MID1: variants seen among roughly 807,000 people sequenced by gnomAD.
The protein encoded by MID1 is midline 1.
In MID1, 7 loss-of-function variants were observed where a neutral mutation model predicts 40.4. That is an observed-to-expected ratio of 0.17 (90% CI 0.10 to 0.33). MID1 has a LOEUF of 0.33. Among genes scored for constraint, MID1 ranks in the 10% least tolerant of loss-of-function variants. The pLI is 1.00. For synonymous variants in MID1, 229 were observed against 221.2 expected, an observed-to-expected ratio of 1.04 and a Z score of -0.31; for missense variants, 367 against 558.5, an observed-to-expected ratio of 0.66 and a Z score of 3.46.
intron 2 of MID1, among the ~76,000 whole-genome samples, chrX:10,562,557 T>C (rs1934385183): frequency 9.6e-6 from 1 of 104,675 alleles, no homozygotes; most frequent in African/African-American, 3.9e-5. Context: ...CCATATGCAA[T>C]TGTCTTGAGC....
chrX:10,452,263 C>T (rs1197617773), intron 9 of MID1, among the ~76,000 whole-genome samples: 1 of 111,789 alleles, frequency 8.9e-6, no homozygotes, highest in East Asian at 2.8e-4. Context: ...TTTGCATGAA[C>T]CCGTTATTAC....
intron 1 of MID1, among the ~76,000 whole-genome samples, chrX:10,814,540 C>A (rs1269601967): frequency 2.3e-4 from 25 of 109,193 alleles, no homozygotes; most frequent in Non-Finnish European, 7.6e-5. Flanking sequence ...AATAATCTAC[C>A]AATTTTGTCC....
In MID1 at chrX:10,697,500, T is replaced by C. The variant is rs980520495; in HGVS notation, c.-186-77081A>G. ...AAGATGATTTATTCATGATTGCCTG[T>C]GTGCATTCATCACTGATGACTTTTT... On this transcript the variant is annotated intron_variant, in intron 1 of 10. Transcript: ENST00000380785. 3.6e-5 allele frequency among the ~76,000 whole-genome samples: 4 copies of C among 112,153 alleles called. No individual in the cohort carries two copies. In the East Asian group the frequency reaches 1.1e-3, roughly 31 times the overall value.
intron 1 of MID1, among the ~76,000 whole-genome samples, chrX:10,675,278 A>C (rs764242142): frequency 8.9e-6 from 1 of 112,527 alleles, no homozygotes; most frequent in Admixed American, 9.4e-5. Context: ...TGCATTTAGC[A>C]ATGCTTCTAG....
chrX:10,727,555 G>T (rs1349566513), intron 1 of MID1, among the ~76,000 whole-genome samples: 1 of 112,093 alleles, frequency 8.9e-6, no homozygotes, highest in Non-Finnish European at 1.9e-5. Context: ...TTTTTTTCAA[G>T]ACTTGAGAGA....
intron 7 of MID1, 125 bp from the exon 8 acceptor site, chrX:10,459,932 G>T: frequency 1.3e-6 from 1 of 777,309 alleles, no homozygotes; most frequent in Non-Finnish European, 1.9e-6. Flanking sequence ...TGTCTTGGTA[G>T]TCATGTACGA....
chrX:10,682,854 A>G (rs1243878625), intron 1 of MID1, among the ~76,000 whole-genome samples: 2 of 111,865 alleles, frequency 1.8e-5, no homozygotes, highest in African/African-American at 3.3e-5. Flanking sequence ...TAGAAGTTAT[A>G]TATGGACAAA....
intron 1 of MID1, among the ~76,000 whole-genome samples, chrX:10,831,061 A>G (rs1051479870): frequency 9.0e-6 from 1 of 111,674 alleles, no homozygotes; most frequent in African/African-American, 3.3e-5. Context: ...TAAACTGATG[A>G]AGCTATGTGA....
intron 1 of MID1, among the ~76,000 whole-genome samples, chrX:10,605,997 C>T (rs1235975984): frequency 4.5e-5 from 5 of 111,418 alleles, no homozygotes; most frequent in East Asian, 2.8e-4. Context: ...AACTCAATGG[C>T]GTATTTTACT....
chrX:10,548,910 T>C (rs1933800965), intron 2 of MID1, among the ~76,000 whole-genome samples: 1 of 112,242 alleles, frequency 8.9e-6, no homozygotes, highest in Admixed American at 9.5e-5. Context: ...CCATGAGTCA[T>C]CAGCACAGTA....
intron 1 of MID1, among the ~76,000 whole-genome samples, chrX:10,732,508 TAC>T (rs1355307440): frequency 8.9e-6 from 1 of 112,235 alleles, no homozygotes; most frequent in Admixed American, 9.4e-5. Context: ...TGGAGGCATA[TAC>T]CATGATTAGG....
chrX:10,779,946 T>C (rs1409571368), intron 1 of MID1, among the ~76,000 whole-genome samples: 1 of 104,546 alleles, frequency 9.6e-6, no homozygotes, highest in Non-Finnish European at 1.9e-5. Flanking sequence ...TTCTAGAGAG[T>C]CCTATTTTTC....
chrX:10,560,499 A>G (rs1934293001), intron 2 of MID1, among the ~76,000 whole-genome samples: 1 of 111,452 alleles, frequency 9.0e-6, no homozygotes, highest in Non-Finnish European at 1.9e-5. Flanking sequence ...AAGCTCCTTA[A>G]GCTGATAAGC....
intron 1 of MID1, among the ~76,000 whole-genome samples, chrX:10,646,208 C>T (rs1936259944): frequency 8.9e-6 from 1 of 112,101 alleles, no homozygotes; most frequent in Non-Finnish European, 1.9e-5. Flanking sequence ...CATCTTCATC[C>T]TTTCCCGCTT....
chrX:10,461,083 A>AATATATATATATATATATATATAT (rs35175429), intron 7 of MID1, among the ~76,000 whole-genome samples: 74 of 99,315 alleles, frequency 7.5e-4, no homozygotes, highest in African/African-American at 2.7e-3. Context: ...CAGTGAATTA[A>AATATATATATATATATATATATAT]ATATATATAT....
rs140439123 is a variant in MID1, at chrX:10,759,203, G to A, written c.-187+74351C>T. On this transcript the variant is annotated intron_variant, in intron 1 of 10. Coordinates refer to the MID1 transcript ENST00000380785. ...TTGTGATAAGATATTGCCATAGAAT[G>A]AGACTTTGAAGACATTTAGTCCTAA... Among the ~76,000 whole-genome samples, 16 of 112,323 alleles carry A rather than the reference G, an allele frequency of 1.4e-4. No homozygotes were observed. In the East Asian group the frequency reaches 3.9e-3, roughly 28 times the overall value.
intron 1 of MID1, among the ~76,000 whole-genome samples, chrX:10,674,834 T>C (rs1420512688): frequency 8.9e-6 from 1 of 112,380 alleles, no homozygotes; most frequent in African/African-American, 3.2e-5. Context: ...GAGAAAAGAA[T>C]AAAAAACTGA....
At chrX:10,808,226 C>T (rs1307128310) in intron 1 of MID1, among the ~76,000 whole-genome samples, 1 of 111,685 alleles carries the variant, frequency 9.0e-6, no homozygotes, top group Non-Finnish European at 1.9e-5. Context: ...GTCTGATAGA[C>T]TTCTCTAGAA....
intron 1 of MID1, among the ~76,000 whole-genome samples, chrX:10,809,731 T>A (rs961409165): frequency 1.1e-5 from 1 of 94,205 alleles, no homozygotes; most frequent in Non-Finnish European, 2.0e-5. Context: ...ATGAGAACAC[T>A]TGGACACAGG....
Sources: gnomAD v4.1 joint callset for allele counts (sites outside exome capture counted in the v4.1 genomes callset) on GRCh38, gnomAD v4.1.1 for gene constraint, MANE v1.5 for transcripts, NCBI Gene and HGNC (gene_info 2026-07-23, HGNC 2026-07-21) for gene names.